LAMA2: variants seen among roughly 807,000 people sequenced by gnomAD.
LAMA2 encodes laminin subunit alpha-2.
LAMA2 carries 269 observed loss-of-function variants against 364.8 expected under a neutral mutation model. That is an observed-to-expected ratio of 0.74 (90% CI 0.67 to 0.82). The LOEUF (loss-of-function observed/expected upper bound fraction) is 0.82, where lower values mean the gene tolerates loss of function less well. Among genes scored for constraint, LAMA2 ranks in the 40% least tolerant of loss-of-function variants. The pLI, the probability that LAMA2 is intolerant of heterozygous loss-of-function variation, is 0.00. For synonymous variants in LAMA2, 1,379 were observed against 1,370.6 expected (o/e 1.01, Z -0.14); for missense variants, 3,807 against 3,873.2 (o/e 0.98, Z 0.45).
At chr6:129,209,610 GT>G (rs1583256574) in intron 12 of LAMA2, among the ~76,000 whole-genome samples, 1 of 152,182 alleles carries the variant, frequency 6.6e-6, no homozygotes, top group African/African-American at 2.4e-5. Context: ...CAGCAAAACT[GT>G]TAAATTAACT....
chr6:129,143,707 G>T (rs993761995), intron 4 of LAMA2, among the ~76,000 whole-genome samples, 194 bp from the exon 5 acceptor site: 2 of 151,904 alleles, frequency 1.3e-5, no homozygotes, highest in Non-Finnish European at 2.9e-5. Flanking sequence ...CAAACAAATT[G>T]CATGTACATG....
At chr6:129,441,026 T>C in intron 43 of LAMA2, 28 bp downstream of exon 43, 1 of 1,580,170 alleles carries the variant, frequency 6.3e-7, no homozygotes. Flanking sequence ...ATTGTGATGA[T>C]GTCATTTATT....
At chr6:129,177,233 T>G (rs1000166583) in intron 9 of LAMA2, among the ~76,000 whole-genome samples, 1 of 152,216 alleles carries the variant, frequency 6.6e-6, no homozygotes, top group Admixed American at 6.5e-5. Flanking sequence ...GCCAGTGGCA[T>G]GTTCTTAGAG....
At chr6:129,005,878 C>G (rs1784418866) in intron 1 of LAMA2, among the ~76,000 whole-genome samples, 1 of 151,234 alleles carries the variant, frequency 6.6e-6, no homozygotes, top group Non-Finnish European at 1.5e-5. Context: ...GCCATTTTGT[C>G]TATTTACCTA....
rs776601177 is a variant in LAMA2, at chr6:129,402,388, A to T, written c.5627A>T (p.Asp1876Val). 8.1e-6 allele frequency: 13 copies of T among 1,613,564 alleles called. No homozygotes were observed. The highest frequency in any genetic ancestry group is 1.1e-5 in the Non-Finnish European group (13 of 1,179,790). Reference sequence around the variant, plus strand: ...GAGGAGCTTAATGATAAAATAGATGACCTCTCCCAAGAAATAAAGGACAGG... The same window carrying T: ...GAGGAGCTTAATGATAAAATAGATGTCCTCTCCCAAGAAATAAAGGACAGG... ...MSEELNDKID[D>V]LSQEIKDRKL... Residue 1876 changes from aspartate (D) to valine (V), a missense_variant, in exon 39 of 65, where the codon GAC becomes GTC. Around this residue, in one of 3 missense-constraint regions of LAMA2, gnomAD observed 3,333 missense variants for 3,345.7 expected, o/e 1.00. Transcript: ENST00000421865.
intron 1 of LAMA2, among the ~76,000 whole-genome samples, chr6:128,970,603 A>T (rs2114615493): frequency 6.6e-6 from 1 of 152,364 alleles, no homozygotes; most frequent in South Asian, 2.1e-4. Context: ...TCTCTCAAAA[A>T]TTTATGCCGG....
chr6:129,506,222 G>A (rs1191158506), intron 61 of LAMA2, among the ~76,000 whole-genome samples: 1 of 151,906 alleles, frequency 6.6e-6, no homozygotes, highest in Non-Finnish European at 1.5e-5. Flanking sequence ...GTGTGGTGGT[G>A]TGTGTCTGTA....
At chr6:129,484,041 T>A (rs1784479216) in intron 55 of LAMA2, among the ~76,000 whole-genome samples, 2 of 152,208 alleles carry the variant, frequency 1.3e-5, no homozygotes, top group Admixed American at 1.3e-4. Context: ...CAGGATTAAA[T>A]TTTGACCTTC....
chr6:129,457,224 A>G (rs2114796314), intron 48 of LAMA2, among the ~76,000 whole-genome samples: 1 of 152,244 alleles, frequency 6.6e-6, no homozygotes, highest in Middle Eastern at 3.4e-3. Context: ...TTCATATAGA[A>G]TGAGGTTATT....
At chr6:129,252,052 C>T (rs79598019) in intron 13 of LAMA2, 32 bp from the exon 14 acceptor site, 6 of 1,485,290 alleles carry the variant, frequency 4.0e-6, no homozygotes, top group East Asian at 4.5e-5. Context: ...TTCAGTTTTA[C>T]TCTTTTTTAT....
intron 56 of LAMA2, among the ~76,000 whole-genome samples, chr6:129,491,375 C>A (rs2114858366): frequency 6.6e-6 from 1 of 152,268 alleles, no homozygotes; most frequent in East Asian, 1.9e-4. Flanking sequence ...TTGCAAGGAA[C>A]AATTAGCAGG....
rs1776318974 is a variant in LAMA2, at chr6:129,342,406, G to A, written c.4375G>A (p.Val1459Ile). 6.2e-7 allele frequency: 1 copy of A among 1,613,510 alleles called. No individual in the cohort carries two copies. Among genetic ancestry groups the A allele is most frequent in the Non-Finnish European group, 8.5e-7 (1 of 1,179,510 alleles). Residue 1459 changes from valine to isoleucine, a missense_variant, in exon 30 of 65, where the codon GTC becomes ATC. Val to Ile is a conservative substitution (Grantham distance 29, BLOSUM62 3). This residue lies in a region of LAMA2 where 3,333 missense variants were observed against 3,345.7 expected (regional missense o/e 1.00). Transcript: ENST00000421865. ...ATGTGCTCTTGGATACTATGGAATT[G>A]TCAAGGGATTGCCAAATGACTGTCA... is the stretch of plus-strand genomic sequence containing the variant. ...ERCALGYYGIVKGLPNDCQQC... is the reference protein window; with the variant it reads ...ERCALGYYGIIKGLPNDCQQC...
At chr6:129,042,568 T>C (rs1484576565) in intron 1 of LAMA2, among the ~76,000 whole-genome samples, 1 of 152,080 alleles carries the variant, frequency 6.6e-6, no homozygotes, top group Admixed American at 6.5e-5. Context: ...TCACTGAATG[T>C]AATATTTAAT....
intron 4 of LAMA2, among the ~76,000 whole-genome samples, chr6:129,117,265 G>A (rs1166769976): frequency 2.0e-5 from 3 of 152,180 alleles, no homozygotes; most frequent in South Asian, 2.1e-4. Context: ...AGCATCACTA[G>A]TGCAAAGGAC....
intron 23 of LAMA2, 80 bp from the exon 24 acceptor site, chr6:129,314,575 G>C: frequency 7.6e-7 from 1 of 1,318,572 alleles, no homozygotes; most frequent in Non-Finnish European, 1.1e-6. Flanking sequence ...AAAAGAGTAT[G>C]CTCCCGTTAT....
intron 1 of LAMA2, among the ~76,000 whole-genome samples, chr6:128,965,922 T>C (rs188356357): frequency 3.0e-4 from 46 of 151,750 alleles, no homozygotes; most frequent in Non-Finnish European, 5.6e-4. Context: ...GTCCCATAGT[T>C]TCTCTTTTCT....
At chr6:129,469,135 C>T (rs1583823828) in intron 51 of LAMA2, among the ~76,000 whole-genome samples, 2 of 151,916 alleles carry the variant, frequency 1.3e-5, no homozygotes, top group African/African-American at 4.8e-5. Context: ...AGGGCCAGAT[C>T]ACAGGAAGCT....
At chr6:129,136,030 GA>G (rs966200137) in intron 4 of LAMA2, among the ~76,000 whole-genome samples, 53 of 146,976 alleles carry the variant, frequency 3.6e-4, no homozygotes, top group East Asian at 1.8e-3. Context: ...TCCTTTCAGA[GA>G]AAAAAAAAAG....
At position 129,157,919 on chromosome 6, in the gene LAMA2, C is replaced by A. The variant is rs535281324; in HGVS notation, c.1206+3236C>A. 9 of 1,614,174 alleles carry A rather than the reference C, an allele frequency of 5.6e-6. No individual in the cohort carries two copies. The East Asian group carries it at 2.0e-4, about 36-fold the overall frequency. ...GAGCCAGGTAGCGTTTGGTGCCCAC[C>A]CTGGTATTCAAGGGCACATCAACTT... On this transcript the variant is annotated intron_variant, in intron 8 of 64. Coordinates refer to ENST00000421865, the MANE Select transcript of LAMA2 (RefSeq NM_000426.4).
Sources: gnomAD v4.1 joint callset for allele counts (sites outside exome capture counted in the v4.1 genomes callset) on GRCh38, gnomAD v4.1.1 for gene constraint, gnomAD v4.1.1 regional missense constraint, MANE v1.5 for transcripts, NCBI Gene and HGNC (gene_info 2026-07-23, HGNC 2026-07-21) for gene names.